Variants in OLA1 observed in about 807,000 individuals in gnomAD.
OLA1 encodes the protein Obg like ATPase 1, also known as obg-like ATPase 1.
Under a neutral mutation model 48.4 loss-of-function variants are expected in OLA1, and 14 were observed. That is an observed-to-expected ratio of 0.29 (90% CI 0.19 to 0.45). The LOEUF is 0.45. Ranked by LOEUF, OLA1 falls within the 20% of genes least tolerant of loss-of-function variation. The pLI is 1.00. For synonymous variants in OLA1, 127 were observed against 150.4 expected, an observed-to-expected ratio of 0.84 and a Z score of 1.14; for missense variants, 325 against 467.1, an observed-to-expected ratio of 0.70 and a Z score of 2.80.
chr2:174,134,471 T>A (rs564952827), intron 5 of OLA1, among the ~76,000 whole-genome samples: 1 of 152,310 alleles, frequency 6.6e-6, no homozygotes, highest in South Asian at 2.1e-4. Flanking sequence ...TGAAATATAA[T>A]CTTTGTCTTT....
At chr2:174,216,174 A>C (rs1688356700) in intron 4 of OLA1, among the ~76,000 whole-genome samples, 1 of 152,042 alleles carries the variant, frequency 6.6e-6, no homozygotes, top group African/African-American at 2.4e-5. Context: ...ATTGTGGTGC[A>C]CACCTGTAGT....
chr2:174,239,644 G>A (rs12474743), intron 2 of OLA1, among the ~76,000 whole-genome samples: 20,543 of 149,088 alleles, frequency 0.14, 1,583 homozygotes, highest in East Asian at 0.23. Context: ...TTGGAAGGAC[G>A]AGGTGGGAGG....
chr2:174,081,058 A>C, intron 9 of OLA1, 94 bp downstream of exon 9: 2 of 1,012,036 alleles, frequency 2.0e-6, no homozygotes, highest in African/African-American at 1.6e-5. Flanking sequence ...ATGACTAGCT[A>C]ACCGCCACCA....
At chr2:174,194,087 C>T (rs1315446853) in intron 4 of OLA1, among the ~76,000 whole-genome samples, 1 of 152,172 alleles carries the variant, frequency 6.6e-6, no homozygotes, top group African/African-American at 2.4e-5. Flanking sequence ...TACCTCCTTT[C>T]CACTCCACTG....
At chr2:174,181,990 G>A (rs1687554655) in intron 4 of OLA1, among the ~76,000 whole-genome samples, 1 of 152,126 alleles carries the variant, frequency 6.6e-6, no homozygotes, top group South Asian at 2.1e-4. Flanking sequence ...ATATCCTTGA[G>A]TGAATAAATT....
chr2:174,209,382 A>G (rs189084650), intron 4 of OLA1, among the ~76,000 whole-genome samples: 1 of 152,260 alleles, frequency 6.6e-6, no homozygotes, highest in East Asian at 1.9e-4. Flanking sequence ...TCATCTGGCC[A>G]CTTATCACAT....
Position 174,246,776 on chromosome 2 carries a change from G to C in OLA1, c.40C>G (p.Pro14Ala), listed in dbSNP as rs745358296. 3.7e-5 allele frequency: 60 copies of C among 1,612,862 alleles called. No homozygotes were observed. Among genetic ancestry groups the C allele is most frequent in the Non-Finnish European group, 5.1e-5 (60 of 1,179,346 alleles). Residue 14 changes from proline to alanine, a missense_variant, in exon 2 of 11, where the codon CCA (proline) becomes GCA (alanine). Pro to Ala is a conservative substitution (Grantham distance 27). Coordinates refer to ENST00000284719, the MANE Select transcript of OLA1 (RefSeq NM_013341.5). The part of the protein sequence containing the change: ...KKGGDGIKPP[P>A]IIGRFGTSLK... The stretch of plus-strand genomic sequence containing the variant: ...GAGGTTCCAAATCTTCCAATGATTG[G>C]GGGTGGTTTAATTCCATCACCTCCC...
intron 7 of OLA1, among the ~76,000 whole-genome samples, chr2:174,090,732 AC>A (rs936331284): frequency 6.6e-6 from 1 of 152,206 alleles, no homozygotes; most frequent in African/African-American, 2.4e-5. Context: ...CACTTAATTA[AC>A]CAACCCAGGA....
At chr2:174,138,273 G>C (rs1441209168) in intron 5 of OLA1, among the ~76,000 whole-genome samples, 6 of 152,144 alleles carry the variant, frequency 3.9e-5, no homozygotes, top group African/African-American at 1.4e-4. Context: ...GCCATCGTAG[G>C]GGTATTATTA....
intron 4 of OLA1, among the ~76,000 whole-genome samples, chr2:174,165,578 G>A (rs1269533483): frequency 1.3e-5 from 2 of 152,170 alleles, no homozygotes; most frequent in African/African-American, 2.4e-5. Context: ...GAGAGTCCAC[G>A]CCAAAGAAAT....
At chr2:174,218,662 T>C (rs1688419239) in intron 4 of OLA1, among the ~76,000 whole-genome samples, 1 of 152,212 alleles carries the variant, frequency 6.6e-6, no homozygotes, top group South Asian at 2.1e-4. Flanking sequence ...ATTAGTACAC[T>C]TTGCAAACAA....
intron 7 of OLA1, among the ~76,000 whole-genome samples, chr2:174,121,210 C>T (rs980106441): frequency 3.9e-5 from 6 of 152,152 alleles, no homozygotes; most frequent in African/African-American, 1.4e-4. Flanking sequence ...GGATTTAAAG[C>T]TGTAGCAGAG....
intron 4 of OLA1, among the ~76,000 whole-genome samples, chr2:174,204,432 T>C (rs924154545): frequency 1.3e-5 from 2 of 152,002 alleles, no homozygotes; most frequent in African/African-American, 2.4e-5. Context: ...AAAAATCCTT[T>C]TGGAAATCAA....
intron 4 of OLA1, among the ~76,000 whole-genome samples, chr2:174,188,515 T>C (rs938163595): frequency 6.6e-6 from 1 of 152,172 alleles, no homozygotes; most frequent in African/African-American, 2.4e-5. Flanking sequence ...GATGCTACTG[T>C]GCTGCTGAGT....
At chr2:174,204,139 C>T (rs1053847840) in intron 4 of OLA1, among the ~76,000 whole-genome samples, 15 of 151,422 alleles carry the variant, frequency 9.9e-5, no homozygotes, top group Middle Eastern at 3.2e-3. Flanking sequence ...CAGTGGCTCA[C>T]GCCTGTAATC....
At chr2:174,169,297 A>G (rs937097122) in intron 4 of OLA1, among the ~76,000 whole-genome samples, 10 of 151,836 alleles carry the variant, frequency 6.6e-5, no homozygotes, top group African/African-American at 2.4e-4. Flanking sequence ...AGATGGGGAG[A>G]AAAAAAAACT....
At chr2:174,247,939 T>G in intron 1 of OLA1, 1 of 832,242 alleles carries the variant, frequency 1.2e-6, no homozygotes, top group Non-Finnish European at 1.8e-6. Context: ...AGCTGGGAAC[T>G]AAAACTGTCC....
chr2:174,210,208 A>C (rs1241774941), intron 4 of OLA1, among the ~76,000 whole-genome samples: 1 of 152,186 alleles, frequency 6.6e-6, no homozygotes. Context: ...TATTTTAATT[A>C]CTGAAAACGA....
At chr2:174,093,835 A>C (rs754786391) in intron 7 of OLA1, among the ~76,000 whole-genome samples, 5 of 152,250 alleles carry the variant, frequency 3.3e-5, no homozygotes, top group Non-Finnish European at 7.3e-5. Flanking sequence ...AGGATAAACT[A>C]TCTCTCTTTT....
Sources: gnomAD v4.1 joint callset for allele counts (sites outside exome capture counted in the v4.1 genomes callset) on GRCh38, gnomAD v4.1.1 for gene constraint, MANE v1.5 for transcripts, NCBI Gene and HGNC (gene_info 2026-07-23, HGNC 2026-07-21) for gene names.